The following NEBL variants were observed in gnomAD, a reference collection of about 807,000 sequenced individuals.
NEBL encodes the protein LIM and SH3 protein 2.
Under a neutral mutation model 140.2 loss-of-function variants are expected in NEBL, and 122 were observed. The observed-to-expected ratio is 0.87, with a 90% CI of 0.75 to 1.01. The LOEUF is 1.01. Among genes scored for constraint, NEBL ranks in the 50% least tolerant of loss-of-function variants. The pLI is 0.00. For synonymous variants in NEBL, 436 were observed against 398.9 expected (o/e 1.09, Z -1.11); for missense variants, 1,365 against 1,231.3 (o/e 1.11, Z -1.62).
chr10:21,234,297 C>G (rs72798599), intron 3 of NEBL, among the ~76,000 whole-genome samples: 6,118 of 152,002 alleles, frequency 0.04, 193 homozygotes, highest in South Asian at 0.14. Context: ...TCATGTGGGC[C>G]GATCCCTTAT....
At position 20,820,448 on chromosome 10, in the gene NEBL, T is replaced by C. The variant is rs141028757; in HGVS notation, c.1963-932A>G. Among the ~76,000 whole-genome samples, 49 of 152,342 alleles carry C rather than the reference T, an allele frequency of 3.2e-4. 1 individual carries two copies. Among genetic ancestry groups the C allele is most frequent in the African/African-American group, 1.1e-3 (47 of 41,572 alleles). ...AGAAGAAACTTCACAGGGACAGTTTTAGTGTCTTTTTAGACTTTAAAGCTC... is the reference window on the plus strand; with the variant it reads ...AGAAGAAACTTCACAGGGACAGTTTCAGTGTCTTTTTAGACTTTAAAGCTC... On this transcript the variant is annotated intron_variant, in intron 19 of 27. Coordinates refer to ENST00000377122, the MANE Select transcript of NEBL (RefSeq NM_006393.3).
At chr10:20,939,912 C>T (rs957612976) in intron 4 of NEBL, among the ~76,000 whole-genome samples, 1 of 152,080 alleles carries the variant, frequency 6.6e-6, no homozygotes, top group Non-Finnish European at 1.5e-5. Context: ...GCACCCAATA[C>T]AGGAGCACCC....
chr10:21,268,548 G>C (rs1842825747), intron 1 of NEBL, among the ~76,000 whole-genome samples: 1 of 150,154 alleles, frequency 6.7e-6, no homozygotes, highest in South Asian at 2.1e-4. Flanking sequence ...TTGGGAGATG[G>C]TATCTTGCTC....
chr10:20,787,350 T>C lies in NEBL; in HGVS notation c.2762-42A>G, dbSNP rs1350920487. On this transcript the variant is annotated intron_variant, in intron 26 of 27. Transcript: ENST00000377122. ...CACACACACAAAGATTCCTTAAAGT[T>C]AGCCTCGAAATACCCATCCCAAACC... is the stretch of plus-strand genomic sequence containing the variant. The C allele has an allele frequency of 2.0e-6, 3 of 1,511,584 alleles. No homozygotes were observed. In the Admixed American group the frequency reaches 5.3e-5, roughly 27 times the overall value. The allele number at this position is 1,511,584 out of a possible 1,614,324, so 93.6% of individuals were successfully genotyped here. A position where few individuals can be genotyped will look rare whatever the true frequency, so the allele number is the denominator to read the frequency against.
chr10:21,094,060 G>A (rs1235481953), intron 2 of NEBL, among the ~76,000 whole-genome samples: 2 of 152,292 alleles, frequency 1.3e-5, no homozygotes, highest in East Asian at 1.9e-4. Flanking sequence ...GTCCTTAAGA[G>A]TCTAAAAAAG....
Position 20,850,510 on chromosome 10 carries a change from G to A in NEBL, c.1009-8C>T. On this transcript the variant is annotated splice_polypyrimidine_tract_variant and splice_region_variant and intron_variant, in intron 10 of 27. Transcript: ENST00000377122. ...TTCTTCTTTATATTTCACCTTCATT[G>A]GAAAAAGAAAAGCATATACAAATCG... The A allele has an allele frequency of 6.4e-7, 1 of 1,554,778 alleles. No individual in the cohort carries two copies. The highest frequency in any genetic ancestry group is 2.2e-5 in the East Asian group (1 of 44,552).
At chr10:20,984,125 G>GTA (rs1837160093) in intron 3 of NEBL, among the ~76,000 whole-genome samples, 1 of 145,438 alleles carries the variant, frequency 6.9e-6, no homozygotes, top group Non-Finnish European at 1.5e-5. Context: ...AAATGTACCT[G>GTA]AAAAAAAAAA....
intron 3 of NEBL, among the ~76,000 whole-genome samples, chr10:20,990,414 A>C (rs1837414275): frequency 6.6e-6 from 1 of 152,178 alleles, no homozygotes; most frequent in Non-Finnish European, 1.5e-5. Context: ...GATTGGGATT[A>C]GTGTCCTTAT....
At chr10:21,226,348 A>G (rs1011804414) in intron 3 of NEBL, among the ~76,000 whole-genome samples, 2 of 151,856 alleles carry the variant, frequency 1.3e-5, no homozygotes, top group Non-Finnish European at 2.9e-5. Context: ...GGGTTATGAG[A>G]GTGGTGACAT....
chr10:20,823,167 T>C (rs1378191287), intron 19 of NEBL, 41 bp downstream of exon 19: 15 of 1,425,936 alleles, frequency 1.1e-5, no homozygotes, highest in African/African-American at 7.1e-5. Context: ...CGTGTTGATA[T>C]ACAATAAAAT....
chr10:20,850,984 A>G (rs1433111813), intron 10 of NEBL, among the ~76,000 whole-genome samples: 2 of 152,254 alleles, frequency 1.3e-5, no homozygotes, highest in Non-Finnish European at 2.9e-5. Context: ...ATTTTTTCAT[A>G]GACACTGAGT....
rs181874280 is a variant in NEBL, at chr10:21,068,096, A to G, written c.165-47895T>C. On this transcript the variant is annotated intron_variant, in intron 2 of 6. Transcript: ENST00000417816. Reference sequence around the variant, plus strand: ...CACTGAAATTGTGAATTTCTCTACTAGGTGGGAAAAAAGGCTAGGAGGTCA... The same window carrying G: ...CACTGAAATTGTGAATTTCTCTACTGGGTGGGAAAAAAGGCTAGGAGGTCA... 2.0e-5 allele frequency among the ~76,000 whole-genome samples: 3 copies of G among 152,308 alleles called. No homozygotes were observed. In the East Asian group the frequency reaches 5.8e-4, roughly 29 times the overall value.
At chr10:21,284,480 A>T (rs2132301024) in intron 1 of NEBL, among the ~76,000 whole-genome samples, 1 of 151,728 alleles carries the variant, frequency 6.6e-6, no homozygotes, top group South Asian at 2.1e-4. Context: ...TTAAATCCAA[A>T]CTCAATAGCC....
intron 3 of NEBL, among the ~76,000 whole-genome samples, chr10:21,001,629 A>G (rs1316034962): frequency 6.6e-6 from 1 of 150,742 alleles, no homozygotes; most frequent in Admixed American, 6.6e-5. Flanking sequence ...TATACTCACA[A>G]CTTTTTTTTT....
At chr10:21,280,426 G>A (rs888808018) in intron 1 of NEBL, among the ~76,000 whole-genome samples, 3 of 152,054 alleles carry the variant, frequency 2.0e-5, no homozygotes, top group Non-Finnish European at 2.9e-5. Context: ...GCAATGAATG[G>A]GGAGAAAGAT....
chr10:20,888,865 T>C (rs6482151), intron 3 of NEBL, among the ~76,000 whole-genome samples: 102,167 of 152,160 alleles, frequency 0.67, 34,611 homozygotes, highest in African/African-American at 0.74. Flanking sequence ...CACGGGAGAA[T>C]GGAACATAGC....
chr10:20,825,095 A>T (rs1355024833), intron 18 of NEBL, among the ~76,000 whole-genome samples: 3 of 151,992 alleles, frequency 2.0e-5, no homozygotes, highest in Non-Finnish European at 4.4e-5. Context: ...GTTTTATTGC[A>T]CTCATATTCT....
At chr10:21,102,715 T>A (rs1467426357) in intron 2 of NEBL, among the ~76,000 whole-genome samples, 2 of 152,224 alleles carry the variant, frequency 1.3e-5, no homozygotes, top group African/African-American at 2.4e-5. Flanking sequence ...ACCATGTACC[T>A]GTTGGAATTC....
rs985129263 is a variant in NEBL at position 20,835,457 on chromosome 10, G to C, written c.1449+56C>G. 2.3e-6 allele frequency: 3 copies of C among 1,281,544 alleles called. No individual in the cohort carries two copies. In the African/African-American group the frequency reaches 4.4e-5, roughly 19 times the overall value. The allele number at this position is 1,281,544 out of a possible 1,614,324, so 79.4% of individuals were successfully genotyped here. A position where few individuals can be genotyped will look rare whatever the true frequency, so the allele number is the denominator to read the frequency against. On this transcript the variant is annotated intron_variant, in intron 14 of 27. Coordinates refer to ENST00000377122, the MANE Select transcript of NEBL (RefSeq NM_006393.3). ...CATATAGTAATCAAGTTGCTAATAC[G>C]ATTTGTTAGGTTCCAAAATATGAGT... is the stretch of plus-strand genomic sequence containing the variant.
Sources: allele counts gnomAD v4.1 joint callset (sites outside exome capture counted in the v4.1 genomes callset), GRCh38; gene constraint gnomAD v4.1.1; transcripts MANE v1.5; gene names NCBI Gene and HGNC (gene_info 2026-07-23, HGNC 2026-07-21).